Variants in GABRG3 observed in about 807,000 individuals in gnomAD.
The protein encoded by GABRG3 is gamma-aminobutyric acid receptor subunit gamma-3.
GABRG3 carries 25 observed loss-of-function variants against 48.8 expected under a neutral mutation model. The observed-to-expected ratio is 0.51, with a 90% confidence interval of 0.37 to 0.72. GABRG3 has a LOEUF of 0.72. Among genes scored for constraint, GABRG3 ranks in the 30% least tolerant of loss-of-function variants. The pLI is 0.00. For missense variants in GABRG3, 394 were observed against 577.9 expected (o/e 0.68, Z 3.26); for synonymous variants, 227 against 217.6 (o/e 1.04, Z -0.38).
At chr15:27,373,555 T>C (rs58779488) in intron 5 of GABRG3, among the ~76,000 whole-genome samples, 3,516 of 152,292 alleles carry the variant, frequency 0.023, 139 homozygotes, top group African/African-American at 0.082. Context: ...GTTGAATTAA[T>C]AGTTTTAACA....
chr15:27,351,769 AGTGT>A lies in GABRG3; in HGVS notation c.574+22886_574+22889del, dbSNP rs908264034. 3.0e-4 allele frequency among the ~76,000 whole-genome samples: 41 copies of A among 136,266 alleles called. 1 individual carries two copies. Among genetic ancestry groups the A allele is most frequent in the African/African-American group, 1.1e-3 (40 of 35,054 alleles). 89.4% of individuals were successfully genotyped at this position (136,266 alleles called of 152,430 possible). A position where few individuals can be genotyped will look rare whatever the true frequency, so the allele number is the denominator to read the frequency against. On this transcript the variant is annotated intron_variant, in intron 5 of 9. Transcript: ENST00000615808. The stretch of plus-strand genomic sequence containing the variant: ...ATGAGTGTGTTTATGGTGTTTGTAT[AGTGT>A]GTGTTTGTGTGTATGGTGTCTGTAT...
chr15:27,371,799 CAT>C (rs1895424385), intron 5 of GABRG3, among the ~76,000 whole-genome samples: 1 of 139,178 alleles, frequency 7.2e-6, no homozygotes, highest in South Asian at 2.3e-4. Context: ...TTTATATAAA[CAT>C]ATTTTAGAAA....
intron 2 of GABRG3, among the ~76,000 whole-genome samples, chr15:26,998,679 A>G (rs1167102567): frequency 6.6e-6 from 1 of 152,216 alleles, no homozygotes; most frequent in East Asian, 1.9e-4. Context: ...ACTGGTGACC[A>G]TCCCCTTCTA....
chr15:27,379,522 C>T (rs900012337), intron 5 of GABRG3, among the ~76,000 whole-genome samples: 13 of 152,174 alleles, frequency 8.5e-5, no homozygotes, highest in African/African-American at 2.9e-4. Context: ...TAGCGGTCTT[C>T]CTTCCTTCCT....
chr15:27,259,979 CT>C (rs1890725199), intron 3 of GABRG3, among the ~76,000 whole-genome samples: 2 of 152,166 alleles, frequency 1.3e-5, no homozygotes, highest in South Asian at 4.1e-4. Context: ...CTCAGTGACA[CT>C]GGATGTTGCA....
intron 5 of GABRG3, among the ~76,000 whole-genome samples, chr15:27,404,950 C>T (rs1332755270): frequency 6.6e-6 from 1 of 152,148 alleles, no homozygotes; most frequent in African/African-American, 2.4e-5. Flanking sequence ...CCTCGCAAGT[C>T]AGGGTGTGGA....
At chr15:27,284,082 TGA>T (rs1403124207) in intron 3 of GABRG3, among the ~76,000 whole-genome samples, 1 of 152,046 alleles carries the variant, frequency 6.6e-6, no homozygotes, top group Non-Finnish European at 1.5e-5. Flanking sequence ...AACCAAGGAC[TGA>T]GAGAGAGGAA....
chr15:27,028,023 G>C lies in GABRG3; in HGVS notation c.270+1202G>C, dbSNP rs188173006. Among the ~76,000 whole-genome samples the C allele has an allele frequency of 2.7e-3, 411 of 152,308 alleles. 2 individuals are homozygous for C. The highest frequency in any genetic ancestry group is 9.3e-3 in the African/African-American group (385 of 41,566). ...ACAGAATTATTTCAGGAAGTCAATTGCATTTGCATATAGAGGGATTTTCCT... is the reference window on the plus strand; with the variant it reads ...ACAGAATTATTTCAGGAAGTCAATTCCATTTGCATATAGAGGGATTTTCCT... On this transcript the variant is annotated intron_variant, in intron 3 of 9. Coordinates refer to ENST00000615808, the MANE Select transcript of GABRG3 (RefSeq NM_033223.5).
At chr15:27,350,775 C>T (rs1166913284) in intron 5 of GABRG3, among the ~76,000 whole-genome samples, 1 of 152,108 alleles carries the variant, frequency 6.6e-6, no homozygotes, top group Admixed American at 6.5e-5. Flanking sequence ...TGGCCTGGGG[C>T]GAGTGCTGAG....
At chr15:27,075,992 T>C (rs1382948830) in intron 3 of GABRG3, among the ~76,000 whole-genome samples, 3 of 152,196 alleles carry the variant, frequency 2.0e-5, no homozygotes, top group Non-Finnish European at 4.4e-5. Context: ...CATGTGAGTT[T>C]CTCTGTGTCC....
rs868630664 is a variant in GABRG3, at chr15:27,243,344, G to A, written c.271-83465G>A. On this transcript the variant is annotated intron_variant, in intron 3 of 9. Transcript: ENST00000615808. Reference sequence around the variant, plus strand: ...GATTGGGAACTTGCTGTATCAAGGGGTCAGCCAATCTCACTTGCATTTGGC... The same window carrying A: ...GATTGGGAACTTGCTGTATCAAGGGATCAGCCAATCTCACTTGCATTTGGC... Among the ~76,000 whole-genome samples the A allele has an allele frequency of 5.3e-5, 8 of 152,210 alleles. No individual in the cohort carries two copies. The South Asian group carries it at 8.3e-4, about 16-fold the overall frequency.
At chr15:27,216,517 C>T (rs1333703173) in intron 3 of GABRG3, among the ~76,000 whole-genome samples, 1 of 152,158 alleles carries the variant, frequency 6.6e-6, no homozygotes, top group Non-Finnish European at 1.5e-5. Context: ...ATGACCAAGG[C>T]ACATCCTCAG....
chr15:27,312,994 CTT>C (rs1196698532), intron 3 of GABRG3, among the ~76,000 whole-genome samples: 2 of 148,704 alleles, frequency 1.3e-5, no homozygotes, highest in African/African-American at 2.5e-5. Flanking sequence ...AATGGTCTCA[CTT>C]TATATTTAAA....
intron 9 of GABRG3, chr15:27,530,778 T>C (rs1891405621): frequency 2.1e-6 from 1 of 466,710 alleles, no homozygotes; most frequent in Non-Finnish European, 4.4e-6. Flanking sequence ...GTGTCTCCGG[T>C]AGCTCCCAGT....
intron 5 of GABRG3, among the ~76,000 whole-genome samples, chr15:27,423,903 T>C (rs1888210126): frequency 6.6e-6 from 1 of 152,010 alleles, no homozygotes. Context: ...TTGATGATAG[T>C]AGCTAGCATA....
rs1279145681 is a variant in GABRG3, at chr15:27,540,377, G to A, written c.*7496G>A. The A allele has an allele frequency of 1.3e-5, 2 of 152,060 alleles. No homozygotes were observed. The highest frequency in any genetic ancestry group is 6.5e-5 in the Admixed American group (1 of 15,272). 9.4% of individuals were successfully genotyped at this position (152,060 alleles called of 1,614,324 possible). ...TTTCACTAAAATACATGCATCTTTG[G>A]AAACTGCAAATTTTGTGAGCTCAAA... On this transcript the variant is annotated 3_prime_UTR_variant, in exon 10 of 10. Transcript: ENST00000615808.
At chr15:27,262,878 C>T (rs56343073) in intron 3 of GABRG3, among the ~76,000 whole-genome samples, 13,261 of 152,200 alleles carry the variant, frequency 0.087, 920 homozygotes, top group African/African-American at 0.19. Context: ...TTATATGTTT[C>T]CTCTTTCTTT....
chr15:27,169,637 T>C (rs1056093152), intron 3 of GABRG3, among the ~76,000 whole-genome samples: 1 of 152,162 alleles, frequency 6.6e-6, no homozygotes, highest in Non-Finnish European at 1.5e-5. Context: ...TAGCCCAGCC[T>C]CTTTAGATAG....
intron 5 of GABRG3, among the ~76,000 whole-genome samples, chr15:27,472,554 G>A (rs1889818061): frequency 6.6e-6 from 1 of 152,164 alleles, no homozygotes; most frequent in Non-Finnish European, 1.5e-5. Context: ...GGGATTACAG[G>A]TGTGAGCCAC....
Sources: allele counts gnomAD v4.1 joint callset (sites outside exome capture counted in the v4.1 genomes callset), GRCh38; gene constraint gnomAD v4.1.1; transcripts MANE v1.5; gene names NCBI Gene and HGNC (gene_info 2026-07-23, HGNC 2026-07-21).